The following IL12RB2 variants were observed in gnomAD, a reference collection of about 807,000 sequenced individuals.
IL12RB2 encodes the protein interleukin 12 receptor subunit beta 2.
In IL12RB2, 82 loss-of-function variants were observed where a neutral mutation model predicts 89.4. The ratio of observed to expected loss-of-function variants is 0.92; its 90% CI spans 0.77 to 1.10. The LOEUF (loss-of-function observed/expected upper bound fraction) is 1.10. Ranked by LOEUF, IL12RB2 falls within the 50% of genes least tolerant of loss-of-function variation. The probability of loss-of-function intolerance (pLI) is 0.00; values close to 1 mark genes in which losing one functional copy is unlikely to be tolerated. For synonymous variants in IL12RB2, 368 were observed against 370.1 expected (o/e 0.99, Z 0.07); for missense variants, 963 against 1,031.9 (o/e 0.93, Z 0.92).
intron 5 of IL12RB2, among the ~76,000 whole-genome samples, chr1:67,327,248 G>A (rs6669016): frequency 0.68 from 103,067 of 152,028 alleles, 37,974 homozygotes; most frequent in Non-Finnish European, 0.81. Flanking sequence ...TGTGAGCCAC[G>A]GTGCCCGGCC....
chr1:67,326,202 C>A (rs1347802538), intron 4 of IL12RB2, among the ~76,000 whole-genome samples: 2 of 152,150 alleles, frequency 1.3e-5, no homozygotes, highest in Non-Finnish European at 2.9e-5. Flanking sequence ...AAATAAGTCT[C>A]TCATTTTTAA....
At chr1:67,330,273 TAAAA>T (rs66726768) in intron 7 of IL12RB2, among the ~76,000 whole-genome samples, 103,461 of 150,412 alleles carry the variant, frequency 0.69, 37,593 homozygotes, top group Non-Finnish European at 0.8. Context: ...AGGGTTTTTT[TAAAA>T]AAAAAAAAAG....
At chr1:67,389,536 A>G (rs1015605993) in intron 15 of IL12RB2, among the ~76,000 whole-genome samples, 2 of 152,150 alleles carry the variant, frequency 1.3e-5, no homozygotes, top group African/African-American at 4.8e-5. Context: ...ATATTTCCCT[A>G]TAATACTTTT....
intron 4 of IL12RB2, among the ~76,000 whole-genome samples, chr1:67,326,363 C>A (rs1393615934): frequency 6.6e-6 from 1 of 152,076 alleles, no homozygotes; most frequent in Non-Finnish European, 1.5e-5. Context: ...TGAGCTGGAG[C>A]CTTGAATCTG....
At chr1:67,382,812 T>G (rs1169832805) in intron 14 of IL12RB2, among the ~76,000 whole-genome samples, 1 of 151,816 alleles carries the variant, frequency 6.6e-6, no homozygotes, top group Non-Finnish European at 1.5e-5. Flanking sequence ...CCCAAGTGAT[T>G]CTCATGCCTC....
chr1:67,310,061 G>C (rs1273525914), intron 1 of IL12RB2, among the ~76,000 whole-genome samples: 1 of 151,822 alleles, frequency 6.6e-6, no homozygotes, highest in Non-Finnish European at 1.5e-5. Flanking sequence ...ATGTGGCATG[G>C]TAATCCCAGC....
chr1:67,333,249 T>C (rs1034121486), intron 8 of IL12RB2, among the ~76,000 whole-genome samples: 1 of 152,216 alleles, frequency 6.6e-6, no homozygotes, highest in Admixed American at 6.5e-5. Context: ...CCTTACCCGC[T>C]GTTTCTGTCA....
intron 4 of IL12RB2, among the ~76,000 whole-genome samples, chr1:67,326,386 T>G (rs1022686357): frequency 2.6e-5 from 4 of 152,160 alleles, no homozygotes; most frequent in Non-Finnish European, 5.9e-5. Context: ...ACTTCATAAT[T>G]TTATGATCTT....
At chr1:67,357,497 C>T (rs1019921990) in intron 10 of IL12RB2, among the ~76,000 whole-genome samples, 4 of 152,054 alleles carry the variant, frequency 2.6e-5, no homozygotes, top group African/African-American at 9.7e-5. Context: ...TTTTTTTTAA[C>T]CTTTGAAGTT....
intron 13 of IL12RB2, among the ~76,000 whole-genome samples, chr1:67,377,942 A>G (rs1349332561): frequency 6.6e-6 from 1 of 152,048 alleles, no homozygotes; most frequent in African/African-American, 2.4e-5. Context: ...CCTGGCCAAC[A>G]TGGTGAAACT....
At position 67,329,664 on chromosome 1, in the gene IL12RB2, G is replaced by C. The variant is rs545150086; in HGVS notation, c.742G>C (p.Asp248His). The change falls in exon 7 of 17, where the codon GAT (aspartate) becomes CAT (histidine). Residue 248 changes from aspartate to histidine, a missense_variant. Transcript: ENST00000674203. ...SVSRCTLYWRDEGLVLLNRLR... is the reference protein window; with the variant it reads ...SVSRCTLYWRHEGLVLLNRLR... The stretch of plus-strand genomic sequence containing the variant: ...GAGCAGATGTACCCTTTATTGGAGA[G>C]ATGAGGGACTGGTACTGCTTAATCG... 2.1e-5 allele frequency: 34 copies of C among 1,587,780 alleles called. 1 individual carries two copies. The Admixed American group carries it at 3.0e-4, about 14-fold the overall frequency.
chr1:67,310,970 G>A (rs563321333), intron 1 of IL12RB2, among the ~76,000 whole-genome samples: 11 of 152,200 alleles, frequency 7.2e-5, no homozygotes, highest in South Asian at 2.1e-4. Flanking sequence ...TGATCTGCCC[G>A]CCTCAGCCTC....
At chr1:67,316,221 A>T (rs1318327233) in intron 2 of IL12RB2, among the ~76,000 whole-genome samples, 1 of 151,660 alleles carries the variant, frequency 6.6e-6, no homozygotes, top group African/African-American at 2.4e-5. Flanking sequence ...ACGTGCTAAG[A>T]TAGGAAGATG....
intron 4 of IL12RB2, among the ~76,000 whole-genome samples, chr1:67,324,152 AATAT>A (rs763396388): frequency 6.6e-6 from 1 of 152,174 alleles, no homozygotes; most frequent in African/African-American, 2.4e-5. Context: ...ACACTGTGTA[AATAT>A]ATATATAAAC....
rs1046531181 is a variant in IL12RB2, at chr1:67,398,220, T to C, written c.*2131T>C. Among the ~76,000 whole-genome samples the C allele has an allele frequency of 6.6e-6, 1 of 152,128 alleles. No homozygotes were observed. The highest frequency in any genetic ancestry group is 1.5e-5 in the Non-Finnish European group (1 of 68,030). ...TGACTGGCACAAACCGTGACAGACA[T>C]GCCCTTGACTGGCACAAACCATGAC... is the stretch of plus-strand genomic sequence containing the variant. On this transcript the variant is annotated 3_prime_UTR_variant, in exon 17 of 17. Transcript: ENST00000674203.
At chr1:67,324,182 T>G (rs138192599) in intron 4 of IL12RB2, among the ~76,000 whole-genome samples, 8 of 152,334 alleles carry the variant, frequency 5.3e-5, no homozygotes, top group Non-Finnish European at 8.8e-5. Flanking sequence ...TAAATGTATA[T>G]ATGTACATGG....
chr1:67,353,682 C>T (rs889209865), intron 10 of IL12RB2, among the ~76,000 whole-genome samples: 1 of 152,180 alleles, frequency 6.6e-6, no homozygotes, highest in African/African-American at 2.4e-5. Context: ...ATCATTTGTA[C>T]ATCTGGAATT....
At chr1:67,349,760 G>A (rs530609303) in intron 9 of IL12RB2, among the ~76,000 whole-genome samples, 1 of 152,324 alleles carries the variant, frequency 6.6e-6, no homozygotes, top group East Asian at 1.9e-4. Context: ...AGCAAGAAAT[G>A]CAGCTGTGGG....
chr1:67,343,745 C>G (rs1428231571), intron 9 of IL12RB2, among the ~76,000 whole-genome samples: 1 of 152,056 alleles, frequency 6.6e-6, no homozygotes, highest in African/African-American at 2.4e-5. Context: ...ATATGAGAAC[C>G]AGGTAAAGCC....
Sources: allele counts gnomAD v4.1 joint callset (sites outside exome capture counted in the v4.1 genomes callset), GRCh38; gene constraint gnomAD v4.1.1; transcripts MANE v1.5; gene names NCBI Gene and HGNC (gene_info 2026-07-23, HGNC 2026-07-21).